MYO6: variants seen among roughly 807,000 people sequenced by gnomAD.
The protein encoded by MYO6 is myosin VI, also known as unconventional myosin-VI.
MYO6 carries 74 observed loss-of-function variants against 178.7 expected under a neutral mutation model. That is an observed-to-expected ratio of 0.41 (90% confidence interval 0.34 to 0.50). The LOEUF (loss-of-function observed/expected upper bound fraction) is 0.50. MYO6 is among the 20% of genes least tolerant of loss of function. The pLI is 0.09. For synonymous variants in MYO6, 477 were observed against 504.6 expected (o/e 0.95, Z 0.73); for missense variants, 1,330 against 1,547.4 (o/e 0.86, Z 2.36).
intron 1 of MYO6, among the ~76,000 whole-genome samples, chr6:75,764,170 A>G (rs1375875621): frequency 6.6e-6 from 1 of 152,078 alleles, no homozygotes; most frequent in Non-Finnish European, 1.5e-5. Context: ...TCAGCTTCCC[A>G]AAGTGCTGGG....
rs112432305 is a variant in MYO6, at chr6:75,788,535, T to C, written c.-47-28966T>C. Among the ~76,000 whole-genome samples, 166 of 152,366 alleles carry C rather than the reference T, an allele frequency of 1.1e-3. 1 individual carries two copies. The highest frequency in any genetic ancestry group is 3.8e-3 in the African/African-American group (157 of 41,576). On this transcript the variant is annotated intron_variant, in intron 1 of 34. Coordinates refer to ENST00000369977, the MANE Select transcript of MYO6 (RefSeq NM_004999.4). ...AAACGATATTGCTTGTATTTACTTA[T>C]GTTCTCCCCACTAAACTGAAGCACC...
Position 75,830,423 on chromosome 6 carries a change from T to C in MYO6, c.269T>C (p.Val90Ala), listed in dbSNP as rs1166992066. 1 of 1,611,200 alleles carries C rather than the reference T, an allele frequency of 6.2e-7. No individual in the cohort carries two copies. The highest frequency in any genetic ancestry group is 1.7e-5 in the Admixed American group (1 of 60,010). Residue 90 changes from valine to alanine, a missense_variant, in exon 5 of 35, where the codon GTC becomes GCC. Val to Ala is a moderately conservative substitution (Grantham distance 64, BLOSUM62 0). Coordinates refer to ENST00000369977, the MANE Select transcript of MYO6 (RefSeq NM_004999.4). Reference protein sequence around the residue: ...RYSKDRIYTYVANILIAVNPY... With the variant: ...RYSKDRIYTYAANILIAVNPY... ...TATGCTTTTCGTATTTAGACATATG[T>C]CGCCAACATTCTGATTGCAGTGAAT...
At chr6:75,854,615 G>C (rs928278034) in intron 11 of MYO6, among the ~76,000 whole-genome samples, 2 of 152,152 alleles carry the variant, frequency 1.3e-5, no homozygotes, top group African/African-American at 4.8e-5. Flanking sequence ...AGCCTGTACA[G>C]GTAATAGTAA....
At chr6:75,838,733 C>T (rs1187297991) in intron 7 of MYO6, among the ~76,000 whole-genome samples, 1 of 150,822 alleles carries the variant, frequency 6.6e-6, no homozygotes, top group Non-Finnish European at 1.5e-5. Context: ...AAGATCTCGG[C>T]TCACCTCAAC....
rs1409939234 is a variant in MYO6, at chr6:75,890,057, T to C, written c.2659T>C (p.Ser887Pro). Residue 887 changes from serine (S) to proline (P), a missense_variant and splice_region_variant, in exon 26 of 35, where the codon TCC (serine) becomes CCC (proline). By Grantham distance (74) the Ser-to-Pro change is moderately conservative (BLOSUM62 -1). Coordinates refer to ENST00000369977, the MANE Select transcript of MYO6 (RefSeq NM_004999.4). ...TACCTATTTATTTTATTTTTTAAAG[T>C]CCACTATGATGACGCAGGAACAAAT... The part of the protein sequence containing the change: ...SIDTLMAKIK[S>P]TMMTQEQIQK... The C allele has an allele frequency of 6.2e-7, 1 of 1,606,766 alleles. No homozygotes were observed. Among genetic ancestry groups the C allele is most frequent in the African/African-American group, 1.3e-5 (1 of 74,842 alleles).
At chr6:75,796,426 A>T (rs1474503811) in intron 1 of MYO6, among the ~76,000 whole-genome samples, 1 of 151,846 alleles carries the variant, frequency 6.6e-6, no homozygotes, top group Admixed American at 6.6e-5. Flanking sequence ...TTTTTTTTTG[A>T]AAATTATAAT....
chr6:75,753,453 G>GTA (rs1233634705), intron 1 of MYO6, among the ~76,000 whole-genome samples: 10 of 125,344 alleles, frequency 8.0e-5, no homozygotes, highest in South Asian at 5.1e-4. Flanking sequence ...GTGTGTGTGT[G>GTA]TGTATATATA....
intron 10 of MYO6, among the ~76,000 whole-genome samples, chr6:75,847,021 A>G (rs1047748978): frequency 2.6e-5 from 4 of 152,064 alleles, no homozygotes; most frequent in African/African-American, 9.7e-5. Flanking sequence ...TTCCATCTGA[A>G]TGTCTTTAGG....
At chr6:75,898,785 AC>A (rs2149388966) in intron 30 of MYO6, among the ~76,000 whole-genome samples, 2 of 152,276 alleles carry the variant, frequency 1.3e-5, no homozygotes. Context: ...TAATTTGGGC[AC>A]CACTGTGCGT....
At chr6:75,772,848 G>T (rs1048403479) in intron 1 of MYO6, among the ~76,000 whole-genome samples, 2 of 152,026 alleles carry the variant, frequency 1.3e-5, no homozygotes, top group African/African-American at 4.8e-5. Flanking sequence ...GAACTGTGTT[G>T]GTGATCTTTA....
At chr6:75,867,988 TGTTATA>T (rs763438592) in intron 18 of MYO6, among the ~76,000 whole-genome samples, 21 of 152,160 alleles carry the variant, frequency 1.4e-4, no homozygotes, top group Non-Finnish European at 2.4e-4. Flanking sequence ...AGAGTATTAT[TGTTATA>T]TTTATAATAA....
rs756205185 is a variant in MYO6, at chr6:75,866,914, G to GT, written c.1771-15dup. ...TCACAAGATGGACAGAAACATTCCT[G>GT]TTTGATTTATTTTTCAGACCCAGTT... is the stretch of plus-strand genomic sequence containing the variant. On this transcript the variant is annotated splice_polypyrimidine_tract_variant and intron_variant, in intron 17 of 34. Coordinates refer to ENST00000369977, the MANE Select transcript of MYO6 (RefSeq NM_004999.4). 2.9e-5 allele frequency: 47 copies of GT among 1,612,552 alleles called. No individual in the cohort carries two copies. Among genetic ancestry groups the GT allele is most frequent in the Non-Finnish European group, 3.9e-5 (46 of 1,178,890 alleles).
At chr6:75,841,885 G>A (rs76885274) in intron 9 of MYO6, among the ~76,000 whole-genome samples, 1 of 152,108 alleles carries the variant, frequency 6.6e-6, no homozygotes, top group Non-Finnish European at 1.5e-5. Context: ...GTATAACACT[G>A]TATGAGGAGG....
chr6:75,854,248 C>T (rs1002234570), intron 11 of MYO6, among the ~76,000 whole-genome samples: 5 of 144,800 alleles, frequency 3.5e-5, no homozygotes, highest in African/African-American at 1.0e-4. Flanking sequence ...TCAAAATGCC[C>T]ACATGGGTCA....
chr6:75,805,006 T>C (rs1478796389), intron 1 of MYO6, among the ~76,000 whole-genome samples: 13 of 55,430 alleles, frequency 2.3e-4, no homozygotes, highest in African/African-American at 1.6e-3. Context: ...CACACACATA[T>C]ATATATATAT....
At chr6:75,805,808 GT>G (rs1562184456) in intron 1 of MYO6, among the ~76,000 whole-genome samples, 3 of 152,044 alleles carry the variant, frequency 2.0e-5, no homozygotes, top group Middle Eastern at 3.4e-3. Flanking sequence ...TTTTCTTTTA[GT>G]ATTTGTGCAA....
chr6:75,904,073 T>A (rs1780056359), intron 30 of MYO6, among the ~76,000 whole-genome samples: 1 of 152,226 alleles, frequency 6.6e-6, no homozygotes, highest in Non-Finnish European at 1.5e-5. Flanking sequence ...TCTTCTGGCT[T>A]GTAGAGTTTC....
chr6:75,845,012 T>C lies in MYO6; in HGVS notation c.897+35T>C, dbSNP rs371775520. The C allele has an allele frequency of 2.0e-6, 3 of 1,510,270 alleles. No individual in the cohort carries two copies. In the African/African-American group the frequency reaches 4.2e-5, roughly 21 times the overall value. The allele number at this position is 1,510,270 out of a possible 1,614,324, so 93.6% of individuals were successfully genotyped here. A position where few individuals can be genotyped will look rare whatever the true frequency, so the allele number is the denominator to read the frequency against. On this transcript the variant is annotated intron_variant, in intron 10 of 34. Coordinates refer to ENST00000369977, the MANE Select transcript of MYO6 (RefSeq NM_004999.4). ...ACCATTGTTCATAAAATCTTTAACT[T>C]AAAAAAAAACTCATGCTGAAAGATG...
intron 20 of MYO6, among the ~76,000 whole-genome samples, chr6:75,878,350 A>G (rs1018458865): frequency 1.3e-5 from 2 of 152,216 alleles, no homozygotes; most frequent in African/African-American, 4.8e-5. Context: ...CCCAGAGGAC[A>G]TCTGGACATT....
Sources: allele counts gnomAD v4.1 joint callset (sites outside exome capture counted in the v4.1 genomes callset), GRCh38; gene constraint gnomAD v4.1.1; transcripts MANE v1.5; gene names NCBI Gene and HGNC (gene_info 2026-07-23, HGNC 2026-07-21).